The following HAT1 variants were observed in gnomAD, a reference collection of about 807,000 sequenced individuals.
HAT1 encodes the protein histone acetyltransferase type B catalytic subunit.
A neutral mutation model predicts 56.6 loss-of-function variants in HAT1; 20 were observed. The observed-to-expected ratio is 0.35, with a 90% CI of 0.25 to 0.51. HAT1 has a LOEUF of 0.51. Among genes scored for constraint, HAT1 ranks in the 20% least tolerant of loss-of-function variants. The probability of loss-of-function intolerance (pLI) is 0.95; values close to 1 mark genes in which losing one functional copy is unlikely to be tolerated. For synonymous variants in HAT1, 146 were observed against 165.5 expected (o/e 0.88, Z 0.91); for missense variants, 408 against 504.3 (o/e 0.81, Z 1.83).
At position 171,969,895 on chromosome 2, in the gene HAT1, G is replaced by A. The variant is rs1022167851; in HGVS notation, c.823+2946G>A. ...CAGCTGGTTACAGTGGCTCATGCCT[G>A]TAATCCCAGAAGTTTGGGAGGCTGA... On this transcript the variant is annotated intron_variant, in intron 8 of 10. Coordinates refer to ENST00000264108, the MANE Select transcript of HAT1 (RefSeq NM_003642.4). Among the ~76,000 whole-genome samples, 5 of 152,158 alleles carry A rather than the reference G, an allele frequency of 3.3e-5. No individual in the cohort carries two copies. In the East Asian group the frequency reaches 9.6e-4, roughly 29 times the overall value.
intron 2 of HAT1, among the ~76,000 whole-genome samples, chr2:171,933,239 T>G (rs1427807588): frequency 6.6e-6 from 1 of 152,076 alleles, no homozygotes; most frequent in African/African-American, 2.4e-5. Flanking sequence ...GTATTTTTTT[T>G]GTAGAGATGG....
intron 3 of HAT1, among the ~76,000 whole-genome samples, chr2:171,951,648 TCTTGAACTC>T (rs1687312049): frequency 7.0e-6 from 1 of 143,492 alleles, no homozygotes; most frequent in South Asian, 2.2e-4. Context: ...GGCAGGCAGG[TCTTGAACTC>T]CTGACTTCCA....
chr2:171,922,695 G>GC (rs934867516), intron 1 of HAT1, 188 bp downstream of exon 1: 3 of 421,576 alleles, frequency 7.1e-6, no homozygotes, highest in Non-Finnish European at 1.2e-5. Context: ...CCGCGCCCCC[G>GC]CCCCCAACTG....
intron 2 of HAT1, among the ~76,000 whole-genome samples, chr2:171,941,450 G>A (rs571622167): frequency 2.6e-5 from 4 of 152,132 alleles, no homozygotes; most frequent in East Asian, 3.9e-4. Flanking sequence ...TTTGATATGA[G>A]TCTGCAAGCA....
chr2:171,953,626 T>TAAAAAAAAAAAAAAAAAAAA (rs587686867), intron 4 of HAT1, among the ~76,000 whole-genome samples: 7 of 84,602 alleles, frequency 8.3e-5, no homozygotes, highest in Admixed American at 1.6e-4. Flanking sequence ...CCCTGTCTCT[T>TAAAAAAAAAAAAAAAAAAAA]AAAAAAAAAA....
chr2:171,933,035 C>A (rs1686783673), intron 2 of HAT1, among the ~76,000 whole-genome samples: 1 of 151,888 alleles, frequency 6.6e-6, no homozygotes, highest in Non-Finnish European at 1.5e-5. Context: ...TTTATAAATT[C>A]TTTCATCTTA....
chr2:171,934,754 GTT>G (rs71013091), intron 2 of HAT1, among the ~76,000 whole-genome samples: 21 of 128,378 alleles, frequency 1.6e-4, no homozygotes, highest in Admixed American at 1.7e-4. Flanking sequence ...ACTAGAGTGG[GTT>G]TTTTTTTTTT....
Position 171,976,941 on chromosome 2 carries a change from C to T in HAT1, c.975+633C>T, listed in dbSNP as rs146500709. On this transcript the variant is annotated intron_variant, in intron 9 of 10. Transcript: ENST00000264108. ...CTGTAATCCCAGCACTTTGGGAGGC[C>T]GAGGCGGACAGATCATGAGGTCAGG... Among the ~76,000 whole-genome samples the T allele has an allele frequency of 7.0e-3, 928 of 131,748 alleles. 7 individuals carry two copies. The highest frequency in any genetic ancestry group is 0.01 in the Non-Finnish European group (628 of 60,818). 86.4% of individuals were successfully genotyped at this position (131,748 alleles called of 152,430 possible).
At chr2:171,929,639 T>C (rs1686688234) in intron 2 of HAT1, among the ~76,000 whole-genome samples, 1 of 152,240 alleles carries the variant, frequency 6.6e-6, no homozygotes, top group Admixed American at 6.5e-5. Context: ...CATGTTATTT[T>C]TCATGTCCAA....
At chr2:171,974,932 T>C (rs1687922194) in intron 8 of HAT1, among the ~76,000 whole-genome samples, 2 of 152,210 alleles carry the variant, frequency 1.3e-5, no homozygotes, top group Non-Finnish European at 2.9e-5. Context: ...TTAGTTCTGG[T>C]ATGTAATTCA....
chr2:171,974,426 ATCT>A (rs1687911023), intron 8 of HAT1, among the ~76,000 whole-genome samples: 1 of 152,158 alleles, frequency 6.6e-6, no homozygotes, highest in Non-Finnish European at 1.5e-5. Flanking sequence ...TTATATATTG[ATCT>A]TCTATCCTGC....
chr2:171,927,950 G>T (rs142461587), intron 2 of HAT1, among the ~76,000 whole-genome samples: 1,584 of 151,988 alleles, frequency 0.01, 10 homozygotes, highest in Non-Finnish European at 0.016. Context: ...GCAATGACGC[G>T]GTCTTGGCTC....
intron 9 of HAT1, among the ~76,000 whole-genome samples, chr2:171,978,459 C>T (rs746856356): frequency 6.6e-6 from 1 of 152,126 alleles, no homozygotes; most frequent in Non-Finnish European, 1.5e-5. Flanking sequence ...TAACTCTTAC[C>T]TATATACTGA....
chr2:171,946,021 C>T (rs910545256), intron 2 of HAT1, among the ~76,000 whole-genome samples: 19 of 152,162 alleles, frequency 1.2e-4, no homozygotes, highest in African/African-American at 3.4e-4. Context: ...CCAGGCTGGG[C>T]GTGAACTCCT....
chr2:171,922,478 C>T lies in HAT1; in HGVS notation c.-23C>T, dbSNP rs776448579. On this transcript the variant is annotated 5_prime_UTR_variant, in exon 1 of 11. Transcript: ENST00000264108. ...CGCGGGTTGATTCGTCCTTCCTCAGCCGCGGGTGATCGTAGCTCGGAAATG... is the reference window on the plus strand; with the variant it reads ...CGCGGGTTGATTCGTCCTTCCTCAGTCGCGGGTGATCGTAGCTCGGAAATG... 4.5e-6 allele frequency: 6 copies of T among 1,318,762 alleles called. No individual in the cohort carries two copies. Among genetic ancestry groups the T allele is most frequent in the Non-Finnish European group, 5.9e-6 (6 of 1,024,402 alleles). 81.7% of individuals were successfully genotyped at this position (1,318,762 alleles called of 1,614,324 possible). A position where few individuals can be genotyped will look rare whatever the true frequency, so the allele number is the denominator to read the frequency against.
rs369150647 is a variant in HAT1, at chr2:171,980,871, ATT to A, written c.1092+1510_1092+1511del. The A allele has an allele frequency of 1.9e-4, 25 of 130,150 alleles. 1 individual carries two copies. The South Asian group carries it at 4.3e-3, about 22-fold the overall frequency. 8.1% of individuals were successfully genotyped at this position (130,150 alleles called of 1,614,324 possible). A position where few individuals can be genotyped will look rare whatever the true frequency, so the allele number is the denominator to read the frequency against. ...ACTCCATCTCAAAAAAAAAAAAAAA[ATT>A]TAAAAAAAAAAAAAGGCCAGGTGCG... On this transcript the variant is annotated intron_variant, in intron 10 of 10. Coordinates refer to ENST00000264108, the MANE Select transcript of HAT1 (RefSeq NM_003642.4).
chr2:171,928,190 A>G (rs2105963191), intron 2 of HAT1, among the ~76,000 whole-genome samples: 1 of 152,252 alleles, frequency 6.6e-6, no homozygotes, highest in Middle Eastern at 3.4e-3. Context: ...CAGCCACAGG[A>G]AATGATATTT....
At chr2:171,981,144 T>A (rs1688124174) in intron 10 of HAT1, among the ~76,000 whole-genome samples, 1 of 151,738 alleles carries the variant, frequency 6.6e-6, no homozygotes, top group Non-Finnish European at 1.5e-5. Context: ...TACTCCAGCC[T>A]GGGTGACGAG....
intron 2 of HAT1, among the ~76,000 whole-genome samples, chr2:171,939,938 A>G (rs1686978243): frequency 6.6e-6 from 1 of 151,956 alleles, no homozygotes; most frequent in South Asian, 2.1e-4. Context: ...CACCCAGCTA[A>G]TTTTTTATTA....
Sources: allele counts gnomAD v4.1 joint callset (sites outside exome capture counted in the v4.1 genomes callset), GRCh38; gene constraint gnomAD v4.1.1; transcripts MANE v1.5; gene names NCBI Gene and HGNC (gene_info 2026-07-23, HGNC 2026-07-21).